AFF3: variants seen among roughly 807,000 people sequenced by gnomAD.
AFF3 encodes AF4/FMR2 family member 3.
Under a neutral mutation model 129.7 loss-of-function variants are expected in AFF3, and 32 were observed. That is an observed-to-expected ratio of 0.25 (90% confidence interval 0.19 to 0.33). The LOEUF is 0.33. Ranked by LOEUF, AFF3 falls within the 10% of genes least tolerant of loss-of-function variation. The pLI is 1.00. For missense variants in AFF3, 1,373 were observed against 1,592.0 expected, an observed-to-expected ratio of 0.86 and a Z score of 2.34; for synonymous variants, 644 against 635.4, an observed-to-expected ratio of 1.01 and a Z score of -0.20.
At chr2:100,002,597 G>A (rs918774920) in intron 7 of AFF3, among the ~76,000 whole-genome samples, 10 of 152,126 alleles carry the variant, frequency 6.6e-5, no homozygotes, top group African/African-American at 2.4e-4. Context: ...GGATACCACA[G>A]TCTATTGATT....
chr2:99,633,945 C>T (rs918197125), intron 13 of AFF3, among the ~76,000 whole-genome samples: 8 of 130,814 alleles, frequency 6.1e-5, no homozygotes, highest in Admixed American at 5.4e-4. Context: ...GATGGAGTCT[C>T]GCTCTGTCAC....
intron 11 of AFF3, among the ~76,000 whole-genome samples, chr2:99,678,499 T>C (rs1394362430): frequency 1.1e-4 from 16 of 152,336 alleles, no homozygotes; most frequent in Non-Finnish European, 2.4e-4. Flanking sequence ...TTTTAATTAA[T>C]AGGATTTTCC....
intron 7 of AFF3, among the ~76,000 whole-genome samples, chr2:99,891,270 G>C (rs991882585): frequency 1.3e-5 from 2 of 152,164 alleles, no homozygotes; most frequent in African/African-American, 2.4e-5. Context: ...CAGAGTGTGA[G>C]AGCCCAGAAA....
chr2:99,565,516 C>T lies in AFF3; in HGVS notation c.3090G>A (p.Thr1030=), dbSNP rs202074625. Residue 1030 remains threonine, a synonymous_variant, in exon 20 of 25, where the codon ACG becomes ACA. Transcript: ENST00000672756. ...TGAGCTCTACTGTTTCTGAATACAT[C>T]GTATAAGGAGATTTGGATTCCATGG... ...QGPMESKSPY[T]MYSETVELIR... 1.1e-5 allele frequency: 18 copies of T among 1,614,048 alleles called. 1 individual carries two copies. In the Admixed American group the frequency reaches 1.8e-4, roughly 16 times the overall value.
intron 4 of AFF3, among the ~76,000 whole-genome samples, chr2:100,047,752 CCT>C (rs1685955740): frequency 3.3e-5 from 5 of 152,288 alleles, no homozygotes; most frequent in African/African-American, 1.2e-4. Context: ...AACATCATGT[CCT>C]CTGTGACAAA....
At chr2:99,903,314 T>A (rs182561688) in intron 7 of AFF3, among the ~76,000 whole-genome samples, 55 of 152,308 alleles carry the variant, frequency 3.6e-4, no homozygotes, top group African/African-American at 1.3e-3. Flanking sequence ...TAACAAACTC[T>A]CTTCTGCTTT....
At chr2:99,817,675 C>T (rs182782812) in intron 8 of AFF3, among the ~76,000 whole-genome samples, 5 of 152,284 alleles carry the variant, frequency 3.3e-5, no homozygotes, top group East Asian at 1.9e-4. Context: ...GTGCATGCCA[C>T]GGTGCCCAGC....
intron 12 of AFF3, among the ~76,000 whole-genome samples, chr2:99,670,202 G>A (rs1422513313): frequency 2.0e-5 from 3 of 152,152 alleles, no homozygotes; most frequent in East Asian, 3.9e-4. Flanking sequence ...GGATCACAAA[G>A]GCAATGGGGA....
intron 4 of AFF3, among the ~76,000 whole-genome samples, chr2:100,096,257 G>C (rs1349986030): frequency 6.6e-6 from 1 of 151,908 alleles, no homozygotes; most frequent in Admixed American, 6.6e-5. Flanking sequence ...AGAAGGTCCC[G>C]GGCTTTGAAG....
intron 13 of AFF3, among the ~76,000 whole-genome samples, chr2:99,635,829 G>T (rs2105441553): frequency 1.3e-5 from 2 of 152,286 alleles, no homozygotes; most frequent in Admixed American, 6.5e-5. Context: ...GCTGTCTGGG[G>T]ATGAAATGGG....
In AFF3 at chr2:100,104,490, C is replaced by T. The variant is rs1238858683; in HGVS notation, c.-36G>A. 6.1e-6 allele frequency: 8 copies of T among 1,303,698 alleles called. No homozygotes were observed. The highest frequency in any genetic ancestry group is 8.0e-6 in the Non-Finnish European group (8 of 1,000,920). The allele number at this position is 1,303,698 out of a possible 1,614,324, so 80.8% of individuals were successfully genotyped here. A position where few individuals can be genotyped will look rare whatever the true frequency, so the allele number is the denominator to read the frequency against. On this transcript the variant is annotated 5_prime_UTR_variant, in exon 4 of 25. Coordinates refer to ENST00000672756, the MANE Select transcript of AFF3 (RefSeq NM_001386135.1). The stretch of plus-strand genomic sequence containing the variant: ...GTCAGCGTCGCCGCCGCCGCTACCG[C>T]CGCCGCCGAGGCTCGGGCCGCCCGC...
intron 13 of AFF3, among the ~76,000 whole-genome samples, chr2:99,636,000 G>A (rs1039323500): frequency 7.2e-5 from 11 of 152,186 alleles, no homozygotes; most frequent in African/African-American, 2.4e-4. Flanking sequence ...CAACAACAGC[G>A]AAGGCCATGA....
At chr2:99,828,502 T>C (rs1185330440) in intron 8 of AFF3, among the ~76,000 whole-genome samples, 1 of 151,970 alleles carries the variant, frequency 6.6e-6, no homozygotes, top group Non-Finnish European at 1.5e-5. Flanking sequence ...GACCAGAAAG[T>C]GGACAAGCAA....
intron 17 of AFF3, among the ~76,000 whole-genome samples, chr2:99,582,514 T>C (rs181008659): frequency 6.6e-6 from 1 of 152,334 alleles, no homozygotes; most frequent in East Asian, 1.9e-4. Flanking sequence ...ATTTACTTTG[T>C]CCCGGGATGG....
intron 11 of AFF3, among the ~76,000 whole-genome samples, chr2:99,725,033 C>T (rs1051420922): frequency 1.3e-5 from 2 of 149,216 alleles, no homozygotes; most frequent in African/African-American, 2.5e-5. Flanking sequence ...TGCAGTGGTG[C>T]GATCTCTGCT....
chr2:99,856,484 C>A (rs1690540059), intron 7 of AFF3, among the ~76,000 whole-genome samples: 1 of 152,044 alleles, frequency 6.6e-6, no homozygotes, highest in African/African-American at 2.4e-5. Context: ...CATAATTATG[C>A]CTCCAAACAA....
chr2:99,799,821 A>C (rs1352187705), intron 8 of AFF3, among the ~76,000 whole-genome samples: 1 of 152,174 alleles, frequency 6.6e-6, no homozygotes, highest in Non-Finnish European at 1.5e-5. Flanking sequence ...ACTGATTTTC[A>C]GCAAAAGTGC....
intron 7 of AFF3, among the ~76,000 whole-genome samples, chr2:99,837,965 G>A (rs1689021250): frequency 6.6e-6 from 1 of 152,170 alleles, no homozygotes; most frequent in Admixed American, 6.5e-5. Context: ...TTAAGTAAAA[G>A]TCTGGTAGTT....
intron 7 of AFF3, among the ~76,000 whole-genome samples, chr2:99,927,496 A>T (rs1696342018): frequency 6.6e-6 from 1 of 152,164 alleles, no homozygotes. Context: ...CAACTACCAC[A>T]TGTTCTAACT....
Sources: allele counts gnomAD v4.1 joint callset (sites outside exome capture counted in the v4.1 genomes callset), GRCh38; gene constraint gnomAD v4.1.1; transcripts MANE v1.5; gene names NCBI Gene and HGNC (gene_info 2026-07-23, HGNC 2026-07-21).